Variants in CHD1 observed in about 807,000 individuals in gnomAD.
The protein encoded by CHD1 is ATP-dependent chromatin remodeler CHD1.
Under a neutral mutation model 224.2 loss-of-function variants are expected in CHD1, and 36 were observed. The ratio of observed to expected loss-of-function variants is 0.16; its 90% confidence interval spans 0.12 to 0.21. CHD1 has a LOEUF of 0.21. CHD1 is among the 10% of genes least tolerant of loss of function. The pLI, the probability that CHD1 is intolerant of heterozygous loss-of-function variation, is 1.00. For missense variants in CHD1, 1,378 were observed against 1,994.8 expected, an observed-to-expected ratio of 0.69 and a Z score of 5.89; for synonymous variants, 668 against 658.3, an observed-to-expected ratio of 1.01 and a Z score of -0.23.
intron 5 of CHD1, 97 bp downstream of exon 5, chr5:98,902,802 GA>G (rs1221968514): frequency 5.9e-6 from 4 of 673,186 alleles, no homozygotes; most frequent in Non-Finnish European, 1.0e-5. Context: ...TAAGAATTTA[GA>G]AGAGTCTCCT....
At chr5:98,923,439 C>T (rs1207592291) in intron 2 of CHD1, among the ~76,000 whole-genome samples, 5 of 145,862 alleles carry the variant, frequency 3.4e-5, no homozygotes, top group African/African-American at 5.1e-5. Flanking sequence ...TTTTTTGAGA[C>T]GGAGTTTCAC....
chr5:98,911,146 A>AAAAAAAATATATATATATATATATAT (rs1491111295), intron 2 of CHD1, among the ~76,000 whole-genome samples: 1 of 39,134 alleles, frequency 2.6e-5, no homozygotes. Context: ...AAAAAAAAAA[A>AAAAAAAATATATATATATATATATAT]ATATATATAT....
intron 2 of CHD1, among the ~76,000 whole-genome samples, chr5:98,911,215 CAT>C (rs1223415854): frequency 1.6e-5 from 2 of 128,452 alleles, no homozygotes; most frequent in Non-Finnish European, 3.2e-5. Context: ...AACAAAAGGA[CAT>C]GAGAGCCCAC....
intron 3 of CHD1, 47 bp from the exon 4 acceptor site, chr5:98,903,955 T>C (rs913510780): frequency 4.0e-6 from 5 of 1,236,100 alleles, no homozygotes; most frequent in Non-Finnish European, 5.7e-6. Context: ...TTAAGAAAAC[T>C]GCAAAAAAAG....
intron 2 of CHD1, among the ~76,000 whole-genome samples, chr5:98,917,540 A>T (rs1752817728): frequency 6.6e-6 from 1 of 152,216 alleles, no homozygotes; most frequent in South Asian, 2.1e-4. Flanking sequence ...CATCTAAATA[A>T]CTATCTGAAA....
intron 2 of CHD1, among the ~76,000 whole-genome samples, chr5:98,909,231 C>G (rs1024741210): frequency 5.3e-5 from 8 of 152,164 alleles, no homozygotes; most frequent in Admixed American, 2.6e-4. Context: ...TTCCACTCTT[C>G]TGCTTTCCAG....
chr5:98,884,730 T>C (rs988595241), intron 18 of CHD1, among the ~76,000 whole-genome samples: 1 of 151,546 alleles, frequency 6.6e-6, no homozygotes, highest in Non-Finnish European at 1.5e-5. Context: ...CCTTTTTTTT[T>C]TTTTGAGACA....
chr5:98,898,320 T>G lies in CHD1; in HGVS notation c.1301A>C (p.Gln434Pro). The G allele has an allele frequency of 6.2e-7, 1 of 1,602,162 alleles. No individual in the cohort carries two copies. Among genetic ancestry groups the G allele is most frequent in the Non-Finnish European group, 8.5e-7 (1 of 1,174,760 alleles). ...EDGALISKKF[Q>P]ACIDEYFSRN... ...GCTAAAATACTCATCAATGCATGCT[T>G]GAAACTTTTTGGAAATGAGAGCTCC... Residue 434 changes from glutamine to proline, a missense_variant, in exon 10 of 36, where the codon CAA (glutamine) becomes CCA (proline). By Grantham distance (76) the Gln-to-Pro change is moderately conservative. Coordinates refer to ENST00000614616, the MANE Select transcript of CHD1 (RefSeq NM_001270.4).
chr5:98,912,608 T>C (rs2112593724), intron 2 of CHD1, among the ~76,000 whole-genome samples: 1 of 152,052 alleles, frequency 6.6e-6, no homozygotes, highest in Admixed American at 6.5e-5. Flanking sequence ...GAGGCAGAGG[T>C]TGCAGTGAGC....
chr5:98,906,940 A>G (rs1752083814), intron 2 of CHD1, among the ~76,000 whole-genome samples: 1 of 152,194 alleles, frequency 6.6e-6, no homozygotes, highest in Non-Finnish European at 1.5e-5. Flanking sequence ...TTTTTTCCAG[A>G]ATACCTAGCA....
chr5:98,879,504 G>C (rs1020657852), intron 23 of CHD1, 48 bp downstream of exon 23: 5 of 1,527,556 alleles, frequency 3.3e-6, no homozygotes, highest in Non-Finnish European at 4.4e-6. Context: ...ATCAGCCCAG[G>C]TTGAATACTC....
In CHD1 at chr5:98,911,143, AAAAATATATATATAT is replaced by A. The variant is rs1354607556; in HGVS notation, c.54-6060_54-6046del. On this transcript the variant is annotated intron_variant, in intron 2 of 35. Coordinates refer to ENST00000614616, the MANE Select transcript of CHD1 (RefSeq NM_001270.4). Reference sequence around the variant, plus strand: ...CTGTGCTAAAATGAAAAAAAAAAAAAAAAATATATATATATATATATATATATATATATAGAGGCA... The same window carrying A: ...CTGTGCTAAAATGAAAAAAAAAAAAAATATATATATATATATATAGAGGCA... 1.5e-4 allele frequency among the ~76,000 whole-genome samples: 17 copies of A among 112,532 alleles called. No homozygotes were observed. The South Asian group carries it at 2.0e-3, about 13-fold the overall frequency. 73.8% of individuals were successfully genotyped at this position (112,532 alleles called of 152,430 possible).
chr5:98,861,313 A>G (rs1435480152), intron 32 of CHD1, among the ~76,000 whole-genome samples: 2 of 152,244 alleles, frequency 1.3e-5, no homozygotes, highest in Non-Finnish European at 2.9e-5. Flanking sequence ...GGCATATTTA[A>G]TAAGACAAAA....
chr5:98,890,463 A>G (rs1014139678), intron 15 of CHD1, among the ~76,000 whole-genome samples: 2 of 152,152 alleles, frequency 1.3e-5, no homozygotes, highest in Non-Finnish European at 2.9e-5. Context: ...CTAGAGGTAA[A>G]AATTCTAAGA....
intron 17 of CHD1, chr5:98,885,901 A>C: frequency 2.4e-6 from 1 of 409,750 alleles, no homozygotes. Context: ...CCCCATTCTA[A>C]AAGTATGTGA....
At chr5:98,860,913 G>A (rs1261894698) in intron 32 of CHD1, among the ~76,000 whole-genome samples, 2 of 152,080 alleles carry the variant, frequency 1.3e-5, no homozygotes, top group South Asian at 2.1e-4. Context: ...AGACTATCTC[G>A]AACATATCTA....
chr5:98,903,373 A>C (rs932575403), intron 4 of CHD1, among the ~76,000 whole-genome samples: 1 of 152,214 alleles, frequency 6.6e-6, no homozygotes, highest in South Asian at 2.1e-4. Context: ...ACACACACAC[A>C]AACTACATTG....
intron 29 of CHD1, 53 bp from the exon 30 acceptor site, chr5:98,869,935 A>C: frequency 7.3e-7 from 1 of 1,367,868 alleles, no homozygotes; most frequent in Non-Finnish European, 1.0e-6. Flanking sequence ...ATTTTTAAAA[A>C]CTTCATAAAC....
At chr5:98,927,820 A>G (rs1753576283) in intron 1 of CHD1, among the ~76,000 whole-genome samples, 1 of 151,332 alleles carries the variant, frequency 6.6e-6, no homozygotes, top group Admixed American at 6.6e-5. Context: ...TTTCCCCTCC[A>G]TCTCCCTTAT....
Sources: allele counts gnomAD v4.1 joint callset (sites outside exome capture counted in the v4.1 genomes callset), GRCh38; gene constraint gnomAD v4.1.1; transcripts MANE v1.5; gene names NCBI Gene and HGNC (gene_info 2026-07-23, HGNC 2026-07-21).